FBN3: variants seen among roughly 807,000 people sequenced by gnomAD.
The protein encoded by FBN3 is fibrillin-3.
In FBN3, 234 loss-of-function variants were observed where a neutral mutation model predicts 330.1. The ratio of observed to expected loss-of-function variants is 0.71; its 90% CI spans 0.64 to 0.79. FBN3 has a LOEUF of 0.79. Among genes scored for constraint, FBN3 ranks in the 30% least tolerant of loss-of-function variants. FBN3 has a pLI of 0.00. For missense variants in FBN3, 3,606 were observed against 3,886.9 expected (o/e 0.93, Z 1.92); for synonymous variants, 1,458 against 1,517.3 (o/e 0.96, Z 0.91).
intron 62 of FBN3, 83 bp from the exon 63 acceptor site, chr19:8,072,281 CG>C: frequency 7.2e-7 from 1 of 1,383,364 alleles, no homozygotes; most frequent in South Asian, 1.4e-5. Context: ...CCCCATACTC[CG>C]TTCTGAGTCA....
intron 25 of FBN3, among the ~76,000 whole-genome samples, chr19:8,119,223 G>A (rs2082781443): frequency 6.6e-6 from 1 of 152,322 alleles, no homozygotes; most frequent in East Asian, 1.9e-4. Context: ...CAGATGGGGA[G>A]GGAGGCTGAG....
At chr19:8,092,043 T>G (rs1416256473) in intron 47 of FBN3, among the ~76,000 whole-genome samples, 2 of 151,168 alleles carry the variant, frequency 1.3e-5, no homozygotes, top group Admixed American at 6.6e-5. Flanking sequence ...CCGGGTGTGG[T>G]GGTGGGCGCC....
Position 8,131,245 on chromosome 19 carries a change from C to T in FBN3, c.2034G>A (p.Thr678=), listed in dbSNP as rs117041172. The change falls in exon 16 of 64, where the codon ACG becomes ACA. Residue 678 remains threonine (T), a synonymous_variant. Transcript: ENST00000600128. This position sits in a 1 kb window ranked among gnomAD's most constrained non-coding sequence, Gnocchi z 4.5. ...CTGGGCTCCACTTACCTCGACCATC[C>T]GTGGTAATGCCAAGCCCACTGCTGC... ...ALCSSGLGIT[T]DGRDINECAL... 2.7e-4 allele frequency: 440 copies of T among 1,610,432 alleles called. 4 individuals are homozygous for T. In the East Asian group the frequency reaches 8.8e-3, roughly 32 times the overall value.
At chr19:8,130,629 A>G (rs376614531) in intron 16 of FBN3, among the ~76,000 whole-genome samples, 80 of 2,724 alleles carry the variant, frequency 0.029, 5 homozygotes, top group Middle Eastern at 0.062. Flanking sequence ...AGAAAGAAAG[A>G]AAGAAAGAAA....
At chr19:8,130,052 C>G (rs911847968) in intron 16 of FBN3, among the ~76,000 whole-genome samples, 1 of 151,998 alleles carries the variant, frequency 6.6e-6, no homozygotes, top group Non-Finnish European at 1.5e-5. Flanking sequence ...CGCCTGCCAC[C>G]ACGGCTGGCT....
At chr19:8,145,754 C>T (rs2083526197) in intron 5 of FBN3, 89 bp downstream of exon 5, 1 of 959,784 alleles carries the variant, frequency 1.0e-6, no homozygotes, top group Non-Finnish European at 1.6e-6. Context: ...AGAAGGAACC[C>T]TGGGCAGTGG....
At chr19:8,117,615 G>A (rs202028865) in intron 26 of FBN3, 26 bp from the exon 27 acceptor site, 5 of 1,508,640 alleles carry the variant, frequency 3.3e-6, no homozygotes, top group East Asian at 4.9e-5. Context: ...GGTGAAAGAC[G>A]GGCCTGTGCC....
chr19:8,078,785 C>G (rs992899047), intron 59 of FBN3, among the ~76,000 whole-genome samples: 3 of 147,366 alleles, frequency 2.0e-5, no homozygotes, highest in Non-Finnish European at 4.5e-5. Context: ...TGTTCTCTCT[C>G]TCTCTCTTTT....
Position 8,109,752 on chromosome 19 carries a change from G to A in FBN3, c.4335C>T (p.Asp1445=). The A allele has an allele frequency of 2.7e-6, 4 of 1,509,192 alleles. No homozygotes were observed. The South Asian group carries it at 4.1e-5, about 15-fold the overall frequency. 93.5% of individuals were successfully genotyped at this position (1,509,192 alleles called of 1,614,324 possible). A position where few individuals can be genotyped will look rare whatever the true frequency, so the allele number is the denominator to read the frequency against. The change falls in exon 35 of 64, where the codon GAC becomes GAT. Residue 1445 remains aspartate, a splice_region_variant and synonymous_variant. Coordinates refer to ENST00000600128, the MANE Select transcript of FBN3 (RefSeq NM_032447.5). The surrounding 1 kb of genome is among the most constrained non-coding windows in gnomAD (Gnocchi z 5.2). ...ELDRGGGNCT[D]INECADPVNC... is the part of the protein sequence containing the mutation. ...TTACTGGGTCTGCACACTCGTTGAT[G>A]TCTGTAGGGAGGAAGCGCGGTCCTC...
intron 51 of FBN3, among the ~76,000 whole-genome samples, 200 bp from the exon 52 acceptor site, chr19:8,088,379 T>C (rs973312052): frequency 2.6e-5 from 4 of 152,074 alleles, no homozygotes; most frequent in African/African-American, 7.2e-5. Flanking sequence ...GGTAAAGGAA[T>C]GCATGAGTGA....
rs577111268 is a variant in FBN3, at chr19:8,088,321, C to T, written c.6377-142G>A. The T allele has an allele frequency of 1.7e-5, 17 of 1,016,204 alleles. No individual in the cohort carries two copies. In the South Asian group the frequency reaches 2.5e-4, roughly 15 times the overall value. The allele number at this position is 1,016,204 out of a possible 1,614,324, so 62.9% of individuals were successfully genotyped here. The stretch of plus-strand genomic sequence containing the variant: ...CTAGTCTGGCTATGGGGCAGGCAAG[C>T]GGTATGTGTTTAGTGAATGAATGAG... On this transcript the variant is annotated intron_variant, in intron 51 of 63. Coordinates refer to ENST00000600128, the MANE Select transcript of FBN3 (RefSeq NM_032447.5).
chr19:8,067,405 C>A (rs1481635775), intron 63 of FBN3, among the ~76,000 whole-genome samples: 1 of 152,150 alleles, frequency 6.6e-6, no homozygotes, highest in South Asian at 2.1e-4. Flanking sequence ...GGATTACAGG[C>A]GTGAGCCATT....
chr19:8,109,633 A>G lies in FBN3; in HGVS notation c.4454T>C (p.Val1485Ala). Reference sequence around the variant, plus strand: ...TCTGGAGTTGAGCATGGACTCACCCACGCAGCCCACTCCGCTGGGGTTCAG... The same window carrying G: ...TCTGGAGTTGAGCATGGACTCACCCGCGCAGCCCACTCCGCTGGGGTTCAG... Reference protein sequence around the residue: ...FELNPSGVGCVDTRAGNCFLE... With the variant: ...FELNPSGVGCADTRAGNCFLE... The change falls in exon 35 of 64, where the codon GTG becomes GCG. Residue 1485 changes from valine to alanine, a missense_variant and splice_region_variant. Physicochemically the swap from Val to Ala is moderately conservative, Grantham distance 64. Coordinates refer to ENST00000600128, the MANE Select transcript of FBN3 (RefSeq NM_032447.5). The surrounding 1 kb of genome is among the most constrained non-coding windows in gnomAD (Gnocchi z 5.2). 6.3e-7 allele frequency: 1 copy of G among 1,593,518 alleles called. No homozygotes were observed. Among genetic ancestry groups the G allele is most frequent in the South Asian group, 1.1e-5 (1 of 87,532 alleles).
intron 59 of FBN3, among the ~76,000 whole-genome samples, chr19:8,075,716 T>C (rs111233957): frequency 3.4e-4 from 52 of 152,354 alleles, no homozygotes; most frequent in African/African-American, 1.3e-3. Context: ...GTCTACCTCA[T>C]TGCATTTTTG....
At chr19:8,066,924 A>C (rs2081404984) in intron 63 of FBN3, among the ~76,000 whole-genome samples, 1 of 151,918 alleles carries the variant, frequency 6.6e-6, no homozygotes, top group African/African-American at 2.4e-5. Context: ...ATTGGGAACT[A>C]TGTTCACTGT....
chr19:8,071,691 G>A (rs2145354223), intron 63 of FBN3, among the ~76,000 whole-genome samples: 1 of 152,260 alleles, frequency 6.6e-6, no homozygotes, highest in Middle Eastern at 3.4e-3. Flanking sequence ...ATTCCAGGGT[G>A]CAGGCAGGGT....
chr19:8,119,348 G>A (rs1163294848), intron 25 of FBN3, among the ~76,000 whole-genome samples: 1 of 152,122 alleles, frequency 6.6e-6, no homozygotes, highest in African/African-American at 2.4e-5. Context: ...GCTCAGTCCC[G>A]CCAGGACTCA....
intron 59 of FBN3, among the ~76,000 whole-genome samples, chr19:8,079,589 ATTGTTTGT>A (rs113805006): frequency 0.011 from 1,694 of 150,784 alleles, 26 homozygotes; most frequent in Middle Eastern, 0.058. Context: ...TATTCTGTTA[ATTGTTTGT>A]TTGTTTGTTT....
At position 8,076,223 on chromosome 19, in the gene FBN3, A is replaced by C. The variant is rs556847251; in HGVS notation, c.7454-812T>G. Among the ~76,000 whole-genome samples, 176 of 142,648 alleles carry C rather than the reference A, an allele frequency of 1.2e-3. 1 individual carries two copies. The highest frequency in any genetic ancestry group is 4.5e-3 in the African/African-American group (165 of 36,948). 93.6% of individuals were successfully genotyped at this position (142,648 alleles called of 152,430 possible). A position where few individuals can be genotyped will look rare whatever the true frequency, so the allele number is the denominator to read the frequency against. On this transcript the variant is annotated intron_variant, in intron 59 of 63. Transcript: ENST00000600128. ...AAATAAATCTCTGTAGTTTAAGCCA[A>C]CCAGTGTATGGGTTGTCCGTGTGCG... is the stretch of plus-strand genomic sequence containing the variant.
Sources: allele counts gnomAD v4.1 joint callset (sites outside exome capture counted in the v4.1 genomes callset), GRCh38; gene constraint gnomAD v4.1.1; non-coding constraint Gnocchi (gnomAD v3.1); transcripts MANE v1.5; gene names NCBI Gene and HGNC (gene_info 2026-07-23, HGNC 2026-07-21).